Variants in MYO10 observed in about 807,000 individuals in gnomAD.
MYO10 encodes the protein myosin X.
Under a neutral mutation model 257.3 loss-of-function variants are expected in MYO10, and 133 were observed. The observed-to-expected ratio is 0.52, with a 90% CI of 0.45 to 0.60. MYO10 has a LOEUF of 0.60. MYO10 is among the 20% of genes least tolerant of loss of function. The pLI is 0.00. For missense variants in MYO10, 2,399 were observed against 2,635.7 expected (o/e 0.91, Z 1.97); for synonymous variants, 1,104 against 1,028.6 (o/e 1.07, Z -1.40).
intron 2 of MYO10, among the ~76,000 whole-genome samples, chr5:16,833,717 G>A (rs1286445229): frequency 6.6e-6 from 1 of 152,146 alleles, no homozygotes; most frequent in Non-Finnish European, 1.5e-5. Context: ...CACTGGCTGA[G>A]CAATCTTAAC....
In MYO10 at chr5:16,721,839, T is replaced by G. The variant is rs79264863; in HGVS notation, c.1930-10594A>C. Among the ~76,000 whole-genome samples, 205 of 152,268 alleles carry G rather than the reference T, an allele frequency of 1.3e-3. 1 individual carries two copies. The highest frequency in any genetic ancestry group is 4.7e-3 in the African/African-American group (194 of 41,552). On this transcript the variant is annotated intron_variant, in intron 19 of 40. Coordinates refer to ENST00000513610, the MANE Select transcript of MYO10 (RefSeq NM_012334.3). Reference sequence around the variant, plus strand: ...TAACATGCACACATACATGTCAATCTTTCTAAGGGATAGCTCTGGTTGTAT... The same window carrying G: ...TAACATGCACACATACATGTCAATCGTTCTAAGGGATAGCTCTGGTTGTAT...
At position 16,848,155 on chromosome 5, in the gene MYO10, C is replaced by CTTTTTTTTTTTTTTTCTTT. The variant is rs1554002459; in HGVS notation, c.120+29453_120+29454insAAAGAAAAAAAAAAAAAAA. On this transcript the variant is annotated intron_variant, in intron 2 of 40. Coordinates refer to ENST00000513610, the MANE Select transcript of MYO10 (RefSeq NM_012334.3). ...TGATTAAGCAAAGAACTACACATTT[C>CTTTTTTTTTTTTTTTCTTT]TTTTTTTTTTTTTTTTTTGTGAGAG... 1.5e-3 allele frequency among the ~76,000 whole-genome samples: 171 copies of CTTTTTTTTTTTTTTTCTTT among 113,530 alleles called. 3 individuals are homozygous for CTTTTTTTTTTTTTTTCTTT. Among genetic ancestry groups the CTTTTTTTTTTTTTTTCTTT allele is most frequent in the African/African-American group, 5.9e-3 (158 of 26,700 alleles). The allele number at this position is 113,530 out of a possible 152,430, so 74.5% of individuals were successfully genotyped here. A position where few individuals can be genotyped will look rare whatever the true frequency, so the allele number is the denominator to read the frequency against.
intron 9 of MYO10, among the ~76,000 whole-genome samples, chr5:16,775,060 T>C (rs563724324): frequency 6.6e-6 from 1 of 152,170 alleles, no homozygotes; most frequent in Non-Finnish European, 1.5e-5. Flanking sequence ...CAGCAAAGAC[T>C]CCTGTTACTT....
chr5:16,915,992 A>G (rs1197278548), intron 1 of MYO10: 1 of 451,758 alleles, frequency 2.2e-6, no homozygotes, highest in South Asian at 1.6e-5. Context: ...CTCACCATAC[A>G]TTTCTTATCC....
At chr5:16,681,731 A>G (rs1215899070) in intron 31 of MYO10, 140 bp downstream of exon 31, 8 of 1,209,426 alleles carry the variant, frequency 6.6e-6, no homozygotes, top group Non-Finnish European at 9.0e-6. Flanking sequence ...ATAATATCAC[A>G]AATTAAAAAT....
At chr5:16,789,449 A>C (rs1377297822) in intron 4 of MYO10, among the ~76,000 whole-genome samples, 1 of 152,200 alleles carries the variant, frequency 6.6e-6, no homozygotes, top group Admixed American at 6.5e-5. Flanking sequence ...AGGTCTTAGC[A>C]AGCCAAACAA....
rs1356416818 is a variant in MYO10 at position 16,665,696 on chromosome 5, G to C, written c.*996C>G. On this transcript the variant is annotated 3_prime_UTR_variant, in exon 41 of 41. Transcript: ENST00000513610. ...AGAATGATAGAAGCTAACCTTCCAA[G>C]TAACACTTTGTTTTTAACTTAAATC... 6.6e-6 allele frequency: 1 copy of C among 152,568 alleles called. No individual in the cohort carries two copies. Among genetic ancestry groups the C allele is most frequent in the Non-Finnish European group, 1.5e-5 (1 of 68,042 alleles). The allele number at this position is 152,568 out of a possible 1,614,324, so 9.5% of individuals were successfully genotyped here. A position where few individuals can be genotyped will look rare whatever the true frequency, so the allele number is the denominator to read the frequency against.
At chr5:16,798,788 G>A (rs575323081) in intron 3 of MYO10, among the ~76,000 whole-genome samples, 1 of 151,610 alleles carries the variant, frequency 6.6e-6, no homozygotes, top group South Asian at 2.1e-4. Context: ...CACTCTTTAT[G>A]CAGCCAGGTA....
At chr5:16,911,027 T>A (rs1156251096) in intron 1 of MYO10, among the ~76,000 whole-genome samples, 1 of 152,002 alleles carries the variant, frequency 6.6e-6, no homozygotes, top group Non-Finnish European at 1.5e-5. Context: ...AGAGACAAGA[T>A]TATCCAATTT....
At position 16,665,711 on chromosome 5, in the gene MYO10, TAACTTAA is replaced by T. The variant is rs1489056929; in HGVS notation, c.*974_*980del. On this transcript the variant is annotated 3_prime_UTR_variant, in exon 41 of 41. Transcript: ENST00000513610. ...AACCTTCCAAGTAACACTTTGTTTTTAACTTAAATCTTTTAGACATGAAAGACTCCAA... is the reference window on the plus strand; with the variant it reads ...AACCTTCCAAGTAACACTTTGTTTTTATCTTTTAGACATGAAAGACTCCAA... 1 of 152,660 alleles carries T rather than the reference TAACTTAA, an allele frequency of 6.6e-6. No individual in the cohort carries two copies. Among genetic ancestry groups the T allele is most frequent in the Non-Finnish European group, 1.5e-5 (1 of 68,046 alleles). 9.5% of individuals were successfully genotyped at this position (152,660 alleles called of 1,614,324 possible).
intron 19 of MYO10, among the ~76,000 whole-genome samples, chr5:16,746,123 A>T (rs1415180122): frequency 1.3e-5 from 2 of 152,214 alleles, no homozygotes; most frequent in Non-Finnish European, 2.9e-5. Context: ...ATGCTAAACA[A>T]GGGGTGCATT....
At chr5:16,866,685 A>G (rs1744260726) in intron 2 of MYO10, among the ~76,000 whole-genome samples, 1 of 152,146 alleles carries the variant, frequency 6.6e-6, no homozygotes, top group South Asian at 2.1e-4. Flanking sequence ...ATAAAAATAT[A>G]CATTTAAAAA....
intron 11 of MYO10, among the ~76,000 whole-genome samples, chr5:16,764,917 G>C (rs2126652828): frequency 6.6e-6 from 1 of 152,232 alleles, no homozygotes; most frequent in East Asian, 1.9e-4. Flanking sequence ...TCAAACTCCT[G>C]ACCTCAGGTG....
intron 3 of MYO10, among the ~76,000 whole-genome samples, chr5:16,817,311 A>T (rs1432508932): frequency 6.6e-6 from 1 of 152,242 alleles, no homozygotes; most frequent in Non-Finnish European, 1.5e-5. Context: ...AAAGACTTGC[A>T]AACAGGCAGA....
chr5:16,730,575 G>T (rs1282173711), intron 19 of MYO10, among the ~76,000 whole-genome samples: 10 of 152,190 alleles, frequency 6.6e-5, no homozygotes, highest in African/African-American at 2.2e-4. Flanking sequence ...TGGAGCAGAG[G>T]TCAACAGGGG....
rs373331125 is a variant in MYO10, at chr5:16,780,152, T to G, written c.826+372A>C. Among the ~76,000 whole-genome samples, 43 of 152,264 alleles carry G rather than the reference T, an allele frequency of 2.8e-4. 1 individual carries two copies. The East Asian group carries it at 5.2e-3, about 18-fold the overall frequency. On this transcript the variant is annotated intron_variant, in intron 8 of 40. Transcript: ENST00000513610. ...CCTGATCTCCAGTGATCCGTCTGCT[T>G]GGCCTCCCAGAGTACTGGGATTACA...
At chr5:16,851,006 T>C (rs1743787890) in intron 2 of MYO10, among the ~76,000 whole-genome samples, 1 of 152,018 alleles carries the variant, frequency 6.6e-6, no homozygotes, top group African/African-American at 2.4e-5. Flanking sequence ...TTTTGCCTTG[T>C]TGGCCAGGCT....
In MYO10 at chr5:16,689,879, T is replaced by C. The variant is rs748564244; in HGVS notation, c.3841A>G (p.Ile1281Val). The C allele has an allele frequency of 6.2e-7, 1 of 1,613,706 alleles. No homozygotes were observed. Among genetic ancestry groups the C allele is most frequent in the South Asian group, 1.1e-5 (1 of 91,070 alleles). Reference sequence around the variant, plus strand: ...TGGAAAGTCCTATCGGCCATAATGATGTCGATCCCATTCTCCTTGGTGGTG... The same window carrying C: ...TGGAAAGTCCTATCGGCCATAATGACGTCGATCCCATTCTCCTTGGTGGTG... ...DNTTKENGID[I>V]IMADRTFHLI... Residue 1281 changes from isoleucine (I) to valine (V), a missense_variant, in exon 28 of 41, where the codon ATC becomes GTC. Ile to Val is a conservative substitution (Grantham distance 29). Around this residue, in one of 3 missense-constraint regions of MYO10, gnomAD observed 1,820 missense variants for 1,939.4 expected, o/e 0.94. Transcript: ENST00000513610.
chr5:16,873,896 G>T (rs1744517000), intron 2 of MYO10, among the ~76,000 whole-genome samples: 1 of 152,102 alleles, frequency 6.6e-6, no homozygotes, highest in African/African-American at 2.4e-5. Context: ...TTTTCCTCCT[G>T]GGCCTCTGGG....
Sources: gnomAD v4.1 joint callset for allele counts (sites outside exome capture counted in the v4.1 genomes callset) on GRCh38, gnomAD v4.1.1 for gene constraint, gnomAD v4.1.1 regional missense constraint, MANE v1.5 for transcripts, NCBI Gene and HGNC (gene_info 2026-07-23, HGNC 2026-07-21) for gene names.